Variants in CNN3 observed in about 807,000 individuals in gnomAD.
The protein encoded by CNN3 is calponin-3.
In CNN3, 11 loss-of-function variants were observed where a neutral mutation model predicts 39.0. That is an observed-to-expected ratio of 0.28 (90% confidence interval 0.18 to 0.47). The LOEUF (loss-of-function observed/expected upper bound fraction) is 0.47. Ranked by LOEUF, CNN3 falls within the 20% of genes least tolerant of loss-of-function variation. The pLI is 0.99. For synonymous variants in CNN3, 101 were observed against 138.3 expected (o/e 0.73, Z 1.89); for missense variants, 266 against 403.4 (o/e 0.66, Z 2.92).
At chr1:94,921,839 T>C (rs1349970839) in intron 1 of CNN3, among the ~76,000 whole-genome samples, 1 of 151,426 alleles carries the variant, frequency 6.6e-6, no homozygotes, top group African/African-American at 2.4e-5. Flanking sequence ...GCAAAGTGTA[T>C]CTTATTTATC....
At chr1:94,919,464 G>A (rs1450198753) in intron 1 of CNN3, among the ~76,000 whole-genome samples, 2 of 152,164 alleles carry the variant, frequency 1.3e-5, no homozygotes, top group Non-Finnish European at 2.9e-5. Context: ...GCTACACATG[G>A]TATTGATTGT....
rs1452324670 is a variant in CNN3 at position 94,926,215 on chromosome 1, TCCATTTCC to T, written c.57+615_57+622del. The stretch of plus-strand genomic sequence containing the variant: ...CACAGTGGCGCGCTCAGGCTTTGTC[TCCATTTCC>T]CGCAAAAGCAACAGCAGAAGCAGCA... On this transcript the variant is annotated intron_variant, in intron 1 of 6. Transcript: ENST00000370206. The surrounding 1 kb of genome is among the most constrained non-coding windows in gnomAD (Gnocchi z 4.2). Among the ~76,000 whole-genome samples the T allele has an allele frequency of 6.6e-6, 1 of 152,184 alleles. No homozygotes were observed. The highest frequency in any genetic ancestry group is 1.5e-5 in the Non-Finnish European group (1 of 68,032).
At chr1:94,924,654 CGACA>C (rs1225945182) in intron 1 of CNN3, among the ~76,000 whole-genome samples, 5 of 152,130 alleles carry the variant, frequency 3.3e-5, no homozygotes, top group Non-Finnish European at 4.4e-5. Context: ...GGGGGGAAGG[CGACA>C]GACAGCAGAG....
chr1:94,920,059 C>A (rs542384240), intron 1 of CNN3, among the ~76,000 whole-genome samples: 1 of 152,314 alleles, frequency 6.6e-6, no homozygotes, highest in African/African-American at 2.4e-5. Flanking sequence ...CAAGCCCTAT[C>A]TGAAACCAAG....
At chr1:94,910,828 C>G (rs1181397477) in intron 1 of CNN3, among the ~76,000 whole-genome samples, 1 of 152,180 alleles carries the variant, frequency 6.6e-6, no homozygotes, top group Non-Finnish European at 1.5e-5. Flanking sequence ...AGGTACAGAG[C>G]ATTCTATTAA....
rs969039660 is a variant in CNN3, at chr1:94,926,755, G to T, written c.57+83C>A. ...CCAGGAAAACGGTGAGCCACAGCGC[G>T]AAGAGCAAACGAAGCACGGCCCAGC... On this transcript the variant is annotated intron_variant, in intron 1 of 6. Coordinates refer to ENST00000370206, the MANE Select transcript of CNN3 (RefSeq NM_001839.5). The surrounding 1 kb of genome is among the most constrained non-coding windows in gnomAD (Gnocchi z 4.2). 5.5e-6 allele frequency: 8 copies of T among 1,442,714 alleles called. No individual in the cohort carries two copies. In the Admixed American group the frequency reaches 5.8e-5, roughly 10 times the overall value. 89.4% of individuals were successfully genotyped at this position (1,442,714 alleles called of 1,614,324 possible).
At chr1:94,905,445 T>A (rs1338607185) in intron 1 of CNN3, among the ~76,000 whole-genome samples, 1 of 152,122 alleles carries the variant, frequency 6.6e-6, no homozygotes, top group Non-Finnish European at 1.5e-5. Flanking sequence ...CAGGGCCTCT[T>A]TTCCCCTCCC....
Position 94,899,429 on chromosome 1 carries a change from T to C in CNN3, c.590A>G (p.Lys197Arg). The part of the protein sequence containing the change: ...HLYDPKMQTD[K>R]PFDQTTISLQ... ...ACTAATTGTGGTCTGGTCAAAAGGT[T>C]TGTCAGTTTGCATTTTGGGATCATA... The change falls in exon 6 of 7, where the codon AAA becomes AGA. Residue 197 changes from lysine to arginine, a missense_variant. By Grantham distance (26) the Lys-to-Arg change is conservative. Coordinates refer to ENST00000370206, the MANE Select transcript of CNN3 (RefSeq NM_001839.5). 3.1e-6 allele frequency: 5 copies of C among 1,614,082 alleles called. No homozygotes were observed. Among genetic ancestry groups the C allele is most frequent in the Non-Finnish European group, 4.2e-6 (5 of 1,179,984 alleles).
At chr1:94,898,847 G>C (rs72962452) in intron 6 of CNN3, among the ~76,000 whole-genome samples, 1,533 of 152,236 alleles carry the variant, frequency 0.01, 17 homozygotes, top group African/African-American at 0.035. Context: ...TGTGAGACCT[G>C]TCTGTTCTCA....
At chr1:94,903,300 A>G (rs1670915396) in intron 2 of CNN3, 103 bp downstream of exon 2, 2 of 1,544,136 alleles carry the variant, frequency 1.3e-6, no homozygotes, top group African/African-American at 2.8e-5. Flanking sequence ...AGATATCTGT[A>G]GAATATCAAG....
Position 94,926,164 on chromosome 1 carries a change from T to C in CNN3, c.57+674A>G, listed in dbSNP as rs1401854920. The stretch of plus-strand genomic sequence containing the variant: ...AAACTTCTCAGTGTTTCATAAAAAG[T>C]CTCAAGCCTAAGCAGATATCACTCG... On this transcript the variant is annotated intron_variant, in intron 1 of 6. Transcript: ENST00000370206. This position sits in a 1 kb window ranked among gnomAD's most constrained non-coding sequence, Gnocchi z 4.2. 6.6e-6 allele frequency among the ~76,000 whole-genome samples: 1 copy of C among 152,150 alleles called. No individual in the cohort carries two copies. Among genetic ancestry groups the C allele is most frequent in the African/African-American group, 2.4e-5 (1 of 41,432 alleles).
In CNN3 at chr1:94,897,602, A is replaced by G; in HGVS notation, c.*140T>C. 1.4e-6 allele frequency: 1 copy of G among 710,282 alleles called. No homozygotes were observed. The highest frequency in any genetic ancestry group is 2.3e-6 in the Non-Finnish European group (1 of 434,638). 44.0% of individuals were successfully genotyped at this position (710,282 alleles called of 1,614,324 possible). A position where few individuals can be genotyped will look rare whatever the true frequency, so the allele number is the denominator to read the frequency against. ...GAAGAGGCAGAAAAAGGAAAAAGGA[A>G]TGTACGTAAGGCAATTTTTCTTAAA... is the stretch of plus-strand genomic sequence containing the variant. On this transcript the variant is annotated 3_prime_UTR_variant, in exon 7 of 7. Coordinates refer to ENST00000370206, the MANE Select transcript of CNN3 (RefSeq NM_001839.5).
intron 1 of CNN3, among the ~76,000 whole-genome samples, chr1:94,910,848 AC>A (rs1671143169): frequency 6.6e-6 from 1 of 152,072 alleles, no homozygotes; most frequent in Admixed American, 6.5e-5. Flanking sequence ...ACCAAACCCC[AC>A]TGCAACTTGT....
chr1:94,916,076 C>T (rs1055476473), intron 1 of CNN3, among the ~76,000 whole-genome samples: 39 of 152,240 alleles, frequency 2.6e-4, no homozygotes, highest in African/African-American at 9.4e-4. Context: ...TTTAATTGAA[C>T]CTGCTGCCAG....
At chr1:94,899,188 A>G (rs2101715289) in intron 6 of CNN3, among the ~76,000 whole-genome samples, 183 bp downstream of exon 6, 1 of 152,292 alleles carries the variant, frequency 6.6e-6, no homozygotes, top group African/African-American at 2.4e-5. Flanking sequence ...AAAAACCACG[A>G]GACACATCAT....
At chr1:94,924,332 G>T (rs1295239390) in intron 1 of CNN3, 1 of 152,382 alleles carries the variant, frequency 6.6e-6, no homozygotes, top group African/African-American at 2.4e-5. Context: ...GCAAAAATGG[G>T]AGGAAGGGCT....
chr1:94,900,273 AAC>A (rs1670829510), intron 5 of CNN3, among the ~76,000 whole-genome samples: 1 of 152,210 alleles, frequency 6.6e-6, no homozygotes, highest in Admixed American at 6.5e-5. Flanking sequence ...AAATTCAGAA[AAC>A]ACATATAAGC....
At position 94,903,415 on chromosome 1, in the gene CNN3, A is replaced by G. The variant is rs757345177; in HGVS notation, c.167T>C (p.Ile56Thr). The G allele has an allele frequency of 6.2e-7, 1 of 1,601,612 alleles. No individual in the cohort carries two copies. The highest frequency in any genetic ancestry group is 8.5e-7 in the Non-Finnish European group (1 of 1,174,942). Residue 56 changes from isoleucine (I) to threonine (T), a missense_variant, in exon 2 of 7, where the codon ATC becomes ACC. Coordinates refer to ENST00000370206, the MANE Select transcript of CNN3 (RefSeq NM_001839.5). ...GGCTGTAACTCACTCGCAGAGGATG[A>G]TGCCATCCTTTAAGCCCAGCTGGAA... ...PNFQLGLKDG[I>T]ILCELINKLQ...
At chr1:94,906,989 G>C (rs1039933126) in intron 1 of CNN3, among the ~76,000 whole-genome samples, 3 of 152,196 alleles carry the variant, frequency 2.0e-5, no homozygotes, top group Admixed American at 6.5e-5. Context: ...TCTGTTGACA[G>C]TTCTTGTCAA....
Sources: gnomAD v4.1 joint callset for allele counts (sites outside exome capture counted in the v4.1 genomes callset) on GRCh38, gnomAD v4.1.1 for gene constraint, Gnocchi (gnomAD v3.1) non-coding constraint, MANE v1.5 for transcripts, NCBI Gene and HGNC (gene_info 2026-07-23, HGNC 2026-07-21) for gene names.